Variants in PRELID2 observed in about 807,000 individuals in gnomAD.
The protein encoded by PRELID2 is PRELI domain containing 2.
In PRELID2, 25 loss-of-function variants were observed where a neutral mutation model predicts 28.4. The ratio of observed to expected loss-of-function variants is 0.88; its 90% CI spans 0.64 to 1.23. The LOEUF (loss-of-function observed/expected upper bound fraction) is 1.23. PRELID2 is among the 50% of genes most tolerant of loss of function. PRELID2 has a pLI of 0.00. For synonymous variants in PRELID2, 76 were observed against 71.6 expected, an observed-to-expected ratio of 1.06 and a Z score of -0.31; for missense variants, 201 against 214.4, an observed-to-expected ratio of 0.94 and a Z score of 0.39.
chr5:145,817,026 G>T (rs1754350425), intron 4 of PRELID2, among the ~76,000 whole-genome samples: 1 of 150,318 alleles, frequency 6.7e-6, no homozygotes, highest in South Asian at 2.1e-4. Context: ...ACAAGGCATG[G>T]TGACACATGC....
At chr5:145,503,740 G>A (rs1309117118) in intron 1 of PRELID2, among the ~76,000 whole-genome samples, 1 of 152,136 alleles carries the variant, frequency 6.6e-6, no homozygotes, top group African/African-American at 2.4e-5. Flanking sequence ...TTTAGTACAG[G>A]ACTTTGCAGC....
At position 145,654,698 on chromosome 5, in the gene PRELID2, A is replaced by AC. The variant is rs557394425; in HGVS notation, n.70+110232dup. On this transcript the variant is annotated intron_variant and non_coding_transcript_variant, in intron 1 of 2. Transcript: ENST00000510259. ...AAAAGGCCTTTGACAAAATTCAACA[A>AC]CCCTTCATGCTAAAAACTCTCAATA... Among the ~76,000 whole-genome samples, 697 of 151,822 alleles carry AC rather than the reference A, an allele frequency of 4.6e-3. 21 individuals carry two copies. Among genetic ancestry groups the AC allele is most frequent in the Admixed American group, 0.041 (618 of 15,258 alleles).
chr5:145,740,859 TATATTTATCGATAAATATATATGTAC>T (rs1250623176), intron 1 of PRELID2, among the ~76,000 whole-genome samples: 12 of 53,738 alleles, frequency 2.2e-4, no homozygotes, highest in African/African-American at 6.3e-4. Flanking sequence ...TATATGTACA[TATATTTATCGATAAATATATATGTAC>T]ATATATTTAT....
the PRELID2 span, among the ~76,000 whole-genome samples, chr5:145,261,210 T>C: frequency 6.6e-6 from 1 of 152,160 alleles, no homozygotes; most frequent in Admixed American, 6.5e-5. Flanking sequence ...ATCCTGCCCC[T>C]ACCTGATGGT....
chr5:145,789,834 C>A (rs532620846), intron 5 of PRELID2, among the ~76,000 whole-genome samples: 1 of 151,990 alleles, frequency 6.6e-6, no homozygotes, highest in Non-Finnish European at 1.5e-5. Flanking sequence ...GGGCAAAGAA[C>A]CAGACAGCTA....
the PRELID2 span, among the ~76,000 whole-genome samples, chr5:145,321,061 A>G: frequency 6.6e-6 from 1 of 152,220 alleles, no homozygotes; most frequent in African/African-American, 2.4e-5. Flanking sequence ...ACTACTATTT[A>G]GTCCAAGAAT....
Position 145,619,325 on chromosome 5 carries a change from G to T in PRELID2, n.70+145606C>A, listed in dbSNP as rs80320411. Among the ~76,000 whole-genome samples, 131 of 152,336 alleles carry T rather than the reference G, an allele frequency of 8.6e-4. No individual in the cohort carries two copies. The East Asian group carries it at 8.9e-3, about 10-fold the overall frequency. ...GCCACGCTCCCAAAGGACCTGTGAT[G>T]TTAGGCAGGAATGGCCTGTGTGGGG... On this transcript the variant is annotated intron_variant and non_coding_transcript_variant, in intron 1 of 2. Transcript: ENST00000510259.
chr5:145,469,640 A>G (rs775551423), downstream of PRELID2, among the ~76,000 whole-genome samples: 6 of 152,126 alleles, frequency 3.9e-5, no homozygotes, highest in Non-Finnish European at 8.8e-5. Context: ...GGAAGCAATG[A>G]CCAGCTGTAA....
chr5:145,326,536 G>A, the PRELID2 span, among the ~76,000 whole-genome samples: 1 of 152,154 alleles, frequency 6.6e-6, no homozygotes, highest in Admixed American at 6.6e-5. Context: ...TATGTTTATA[G>A]TTTTGCATTT....
chr5:145,822,110 T>C (rs372216716), intron 2 of PRELID2, among the ~76,000 whole-genome samples: 2 of 152,318 alleles, frequency 1.3e-5, no homozygotes, highest in East Asian at 3.9e-4. Context: ...CAATGAACAG[T>C]AGCATCTCAT....
chr5:145,579,689 T>C (rs746244807), intron 1 of PRELID2, among the ~76,000 whole-genome samples: 3 of 152,124 alleles, frequency 2.0e-5, no homozygotes, highest in Non-Finnish European at 4.4e-5. Flanking sequence ...AAAGTTCTCA[T>C]ATGTATGCAT....
At chr5:145,381,378 C>T in the PRELID2 span, among the ~76,000 whole-genome samples, 2 of 152,138 alleles carry the variant, frequency 1.3e-5, no homozygotes, top group African/African-American at 4.8e-5. Flanking sequence ...CAAAAATCTA[C>T]ATATTGGGTT....
At chr5:145,618,031 C>A (rs1753725806) in intron 1 of PRELID2, among the ~76,000 whole-genome samples, 1 of 152,174 alleles carries the variant, frequency 6.6e-6, no homozygotes, top group Non-Finnish European at 1.5e-5. Flanking sequence ...CCATGCCCGG[C>A]CGATTGTTTT....
At chr5:145,619,107 C>A (rs1239143069) in intron 1 of PRELID2, among the ~76,000 whole-genome samples, 1 of 152,164 alleles carries the variant, frequency 6.6e-6, no homozygotes, top group Non-Finnish European at 1.5e-5. Flanking sequence ...AGGCTACCCG[C>A]CTCCCAGCTG....
chr5:145,637,626 T>C (rs1218322091), intron 1 of PRELID2, among the ~76,000 whole-genome samples: 1 of 151,988 alleles, frequency 6.6e-6, no homozygotes, highest in Non-Finnish European at 1.5e-5. Flanking sequence ...AAAAAACCAG[T>C]ATAAGAAGAA....
intron 1 of PRELID2, among the ~76,000 whole-genome samples, chr5:145,742,013 T>C (rs1259088711): frequency 1.1e-4 from 12 of 112,632 alleles, no homozygotes; most frequent in Non-Finnish European, 2.1e-4. Context: ...ATAAATTTAT[T>C]ATAAGTAAAT....
the PRELID2 span, among the ~76,000 whole-genome samples, chr5:145,289,418 G>A: frequency 2.6e-4 from 40 of 152,154 alleles, no homozygotes; most frequent in African/African-American, 9.4e-4. Context: ...ACACATCTTT[G>A]CATAACTTGA....
chr5:145,359,412 A>T, the PRELID2 span, among the ~76,000 whole-genome samples: 2 of 152,146 alleles, frequency 1.3e-5, no homozygotes, highest in African/African-American at 4.8e-5. Flanking sequence ...AGGAAATGAG[A>T]TTGGCTATTT....
At chr5:145,229,902 T>A in the PRELID2 span, 1 of 750,312 alleles carries the variant, frequency 1.3e-6, no homozygotes, top group Non-Finnish European at 2.5e-6. Context: ...CATCCTTGGC[T>A]GGGAGTCCCC....
Sources: gnomAD v4.1 joint callset for allele counts (sites outside exome capture counted in the v4.1 genomes callset) on GRCh38, gnomAD v4.1.1 for gene constraint, MANE v1.5 for transcripts, NCBI Gene and HGNC (gene_info 2026-07-23, HGNC 2026-07-21) for gene names.